The following SLC5A10 variants were observed in gnomAD, a reference collection of about 807,000 sequenced individuals.
SLC5A10 encodes the protein sodium/mannose cotransporter SLC5A10.
In SLC5A10, 55 loss-of-function variants were observed where a neutral mutation model predicts 68.9. That is an observed-to-expected ratio of 0.80 (90% confidence interval 0.64 to 1.00). The LOEUF is 1.00. Among genes scored for constraint, SLC5A10 ranks in the 50% least tolerant of loss-of-function variants. The probability of loss-of-function intolerance (pLI) is 0.00; values close to 1 mark genes in which losing one functional copy is unlikely to be tolerated. For missense variants in SLC5A10, 732 were observed against 819.3 expected, an observed-to-expected ratio of 0.89 and a Z score of 1.30; for synonymous variants, 344 against 344.8, an observed-to-expected ratio of 1.00 and a Z score of 0.02.
intron 9 of SLC5A10, among the ~76,000 whole-genome samples, chr17:18,980,537 T>A (rs898082873): frequency 2.6e-5 from 4 of 152,074 alleles, no homozygotes; most frequent in South Asian, 4.1e-4. Flanking sequence ...TCTGTCCCAG[T>A]GTGGAGTCTC....
At chr17:18,984,497 G>C (rs971008700) in intron 9 of SLC5A10, among the ~76,000 whole-genome samples, 1 of 152,220 alleles carries the variant, frequency 6.6e-6, no homozygotes. Flanking sequence ...AGGCCTGAGC[G>C]GCAGCGATCC....
At chr17:18,990,517 G>A (rs2043389458) in intron 9 of SLC5A10, among the ~76,000 whole-genome samples, 1 of 152,232 alleles carries the variant, frequency 6.6e-6, no homozygotes, top group African/African-American at 2.4e-5. Flanking sequence ...ACCAGGCCCT[G>A]CCTACCGTGG....
chr17:18,999,323 A>G (rs573551588), intron 9 of SLC5A10, among the ~76,000 whole-genome samples: 1 of 152,228 alleles, frequency 6.6e-6, no homozygotes. Flanking sequence ...TCCTGAGTCA[A>G]CAGGATCCAG....
At position 19,003,592 on chromosome 17, in the gene SLC5A10, G is replaced by GT; in HGVS notation, c.983-9817dup. 6.2e-7 allele frequency: 1 copy of GT among 1,606,288 alleles called. No individual in the cohort carries two copies. Among genetic ancestry groups the GT allele is most frequent in the Non-Finnish European group, 8.5e-7 (1 of 1,176,230 alleles). ...CCTGCCCGTCTATGGGGGGCTGCATGTAGACGCTAGCCCGGGTCACGCCGC... is the reference window on the plus strand; with the variant it reads ...CCTGCCCGTCTATGGGGGGCTGCATGTTAGACGCTAGCCCGGGTCACGCCGC... On this transcript the variant is annotated intron_variant, in intron 9 of 14. Coordinates refer to ENST00000395645, the MANE Select transcript of SLC5A10 (RefSeq NM_001042450.4). This position sits in a 1 kb window ranked among gnomAD's most constrained non-coding sequence, Gnocchi z 4.5.
At chr17:18,951,335 C>A (rs371857523), upstream of SLC5A10, among the ~76,000 whole-genome samples, 2 of 152,276 alleles carry the variant, frequency 1.3e-5, no homozygotes, top group South Asian at 2.1e-4. Context: ...TCCTACTCTG[C>A]GCCTTCAATG....
At chr17:18,962,218 G>A (rs2042626208) in intron 5 of SLC5A10, among the ~76,000 whole-genome samples, 1 of 152,178 alleles carries the variant, frequency 6.6e-6, no homozygotes, top group South Asian at 2.1e-4. Flanking sequence ...TGGATGCATG[G>A]GACAGGCATG....
chr17:19,011,196 C>G (rs2044004611), intron 9 of SLC5A10, among the ~76,000 whole-genome samples: 1 of 152,178 alleles, frequency 6.6e-6, no homozygotes, highest in Non-Finnish European at 1.5e-5. Context: ...CCTTAGGAGC[C>G]CTTGGGAGGA....
chr17:18,993,608 G>A (rs985812743), intron 9 of SLC5A10, among the ~76,000 whole-genome samples: 1 of 152,166 alleles, frequency 6.6e-6, no homozygotes, highest in Admixed American at 6.5e-5. Context: ...CCAGAACCTG[G>A]AGCCCTGAAG....
Position 19,022,268 on chromosome 17 carries a change from G to T in SLC5A10, c.*1837G>T. On this transcript the variant is annotated 3_prime_UTR_variant, in exon 15 of 15. Coordinates refer to ENST00000395645, the MANE Select transcript of SLC5A10 (RefSeq NM_001042450.4). The stretch of plus-strand genomic sequence containing the variant: ...AGGGGTCTCGGGCAGCACCGGAGTT[G>T]AACTTTAAGTCCAGATCAATGGTAG... 5.6e-6 allele frequency: 3 copies of T among 537,258 alleles called. No homozygotes were observed. The East Asian group carries it at 1.0e-4, about 18-fold the overall frequency. The allele number at this position is 537,258 out of a possible 1,614,324, so 33.3% of individuals were successfully genotyped here.
At chr17:18,978,340 G>C (rs1158298516) in intron 9 of SLC5A10, 1 of 1,603,868 alleles carries the variant, frequency 6.2e-7, no homozygotes, top group Admixed American at 1.7e-5. Context: ...GGTTCATCTG[G>C]CTGGGCTGGG....
At chr17:18,997,256 C>T (rs1015443209) in intron 9 of SLC5A10, among the ~76,000 whole-genome samples, 3 of 152,256 alleles carry the variant, frequency 2.0e-5, no homozygotes, top group East Asian at 1.9e-4. Flanking sequence ...CTCCCCCAGA[C>T]GGACATCAGC....
intron 6 of SLC5A10, 65 bp from the exon 7 acceptor site, chr17:18,969,277 T>C (rs1340073104): frequency 6.3e-7 from 1 of 1,584,936 alleles, no homozygotes; most frequent in Non-Finnish European, 8.6e-7. Flanking sequence ...GCCCCAGAAG[T>C]TCCTCCCCGT....
chr17:18,970,649 A>G (rs544430486), intron 7 of SLC5A10: 6 of 288,530 alleles, frequency 2.1e-5, no homozygotes, highest in African/African-American at 1.1e-4. Flanking sequence ...GTCAAGAAAA[A>G]TTACTTTTGC....
At position 18,969,142 on chromosome 17, in the gene SLC5A10, C is replaced by T. The variant is rs779417895; in HGVS notation, c.544C>T (p.Leu182=). Reference sequence around the variant, plus strand: ...CATCCTCACGCTCGGCATCACAGCCCTGTACACCATCGCAGGTATGGTGCC... The same window carrying T: ...CATCCTCACGCTCGGCATCACAGCCTTGTACACCATCGCAGGTATGGTGCC... ...STILTLGITA[L]YTIAGGLAAV... Residue 182 remains leucine, a synonymous_variant, in exon 6 of 15, where the codon CTG becomes TTG. Transcript: ENST00000395645. The T allele has an allele frequency of 2.0e-5, 32 of 1,614,056 alleles. No homozygotes were observed. Among genetic ancestry groups the T allele is most frequent in the Non-Finnish European group, 2.6e-5 (31 of 1,179,958 alleles).
chr17:18,955,108 A>AAAC (rs1567774410), intron 1 of SLC5A10, among the ~76,000 whole-genome samples: 1 of 122,226 alleles, frequency 8.2e-6, no homozygotes, highest in African/African-American at 2.9e-5. Flanking sequence ...AAAAAAAAAA[A>AAAC]AAGAATTCAG....
chr17:18,990,125 A>C (rs2043377259), intron 9 of SLC5A10, among the ~76,000 whole-genome samples: 1 of 152,206 alleles, frequency 6.6e-6, no homozygotes, highest in African/African-American at 2.4e-5. Flanking sequence ...CAGGGGAGGC[A>C]GATGTTGGCA....
At chr17:18,976,785 AC>A in intron 8 of SLC5A10, 68 bp from the exon 9 acceptor site, 1 of 1,584,572 alleles carries the variant, frequency 6.3e-7, no homozygotes, top group Non-Finnish European at 8.6e-7. Context: ...CCTGAGGCCC[AC>A]CAAGGACCAA....
intron 11 of SLC5A10, among the ~76,000 whole-genome samples, chr17:19,016,637 G>T (rs141053552): frequency 6.6e-6 from 1 of 152,106 alleles, no homozygotes; most frequent in African/African-American, 2.4e-5. Flanking sequence ...AGGCGGGTGC[G>T]AGTGAGCTCA....
At chr17:18,995,197 C>T (rs552085504) in intron 9 of SLC5A10, among the ~76,000 whole-genome samples, 7 of 152,114 alleles carry the variant, frequency 4.6e-5, no homozygotes, top group East Asian at 3.9e-4. Flanking sequence ...AACCAAAAAC[C>T]GACACAGATG....
Sources: allele counts gnomAD v4.1 joint callset (sites outside exome capture counted in the v4.1 genomes callset), GRCh38; gene constraint gnomAD v4.1.1; non-coding constraint Gnocchi (gnomAD v3.1); transcripts MANE v1.5; gene names NCBI Gene and HGNC (gene_info 2026-07-23, HGNC 2026-07-21).